AKAP9: variants seen among roughly 807,000 people sequenced by gnomAD.
AKAP9 encodes A-kinase anchor protein 9.
In AKAP9, 311 loss-of-function variants were observed where a neutral mutation model predicts 488.5. That is an observed-to-expected ratio of 0.64 (90% CI 0.58 to 0.70). The LOEUF is 0.70. AKAP9 is among the 30% of genes least tolerant of loss of function. The probability of loss-of-function intolerance (pLI) is 0.00; values close to 1 mark genes in which losing one functional copy is unlikely to be tolerated. For missense variants in AKAP9, 4,215 were observed against 4,374.5 expected (o/e 0.96, Z 1.03); for synonymous variants, 1,462 against 1,483.5 (o/e 0.99, Z 0.33).
intron 29 of AKAP9, 115 bp from the exon 30 acceptor site, chr7:92,077,581 T>C (rs903499515): frequency 5.6e-6 from 5 of 896,640 alleles, no homozygotes; most frequent in Non-Finnish European, 9.1e-6. Flanking sequence ...AGTAACCATA[T>C]GGTGTCTCTG....
chr7:92,085,867 G>A (rs1584490851), intron 36 of AKAP9, among the ~76,000 whole-genome samples, 181 bp downstream of exon 36: 1 of 152,016 alleles, frequency 6.6e-6, no homozygotes, highest in South Asian at 2.1e-4. Flanking sequence ...ACTTTGGGAG[G>A]CCGAGGTGGG....
chr7:91,986,898 A>G (rs1048249745), intron 3 of AKAP9, among the ~76,000 whole-genome samples: 1 of 151,560 alleles, frequency 6.6e-6, no homozygotes, highest in African/African-American at 2.4e-5. Context: ...ATATACATAT[A>G]TAGTTACATA....
chr7:92,085,796 T>C, intron 36 of AKAP9, 110 bp downstream of exon 36: 2 of 846,230 alleles, frequency 2.4e-6, no homozygotes, highest in Non-Finnish European at 3.4e-6. Flanking sequence ...AATAACTATA[T>C]ATATATATTT....
intron 47 of AKAP9, among the ~76,000 whole-genome samples, chr7:92,106,689 C>T (rs1239176692): frequency 2.6e-5 from 4 of 152,132 alleles, no homozygotes; most frequent in Non-Finnish European, 5.9e-5. Flanking sequence ...AAGATGAGGT[C>T]CGAATCTGGG....
chr7:92,091,068 T>G (rs1274693666), intron 38 of AKAP9, among the ~76,000 whole-genome samples: 1 of 152,228 alleles, frequency 6.6e-6, no homozygotes, highest in Non-Finnish European at 1.5e-5. Context: ...AGTTGGATTT[T>G]TATTTTTGTG....
intron 25 of AKAP9, 44 bp downstream of exon 25, chr7:92,065,507 T>C: frequency 7.2e-7 from 1 of 1,385,296 alleles, no homozygotes; most frequent in South Asian, 1.2e-5. Context: ...CAGTGGAATG[T>C]TCTTTGCTAG....
chr7:92,109,803 T>G (rs552438050), intron 49 of AKAP9, among the ~76,000 whole-genome samples: 38 of 151,942 alleles, frequency 2.5e-4, no homozygotes, highest in Non-Finnish European at 5.4e-4. Context: ...ATACAAAAAT[T>G]TGCTGGACAT....
At chr7:91,963,994 C>G (rs1562903886) in intron 1 of AKAP9, among the ~76,000 whole-genome samples, 1 of 151,952 alleles carries the variant, frequency 6.6e-6, no homozygotes, top group East Asian at 1.9e-4. Flanking sequence ...TTTGGTTTCT[C>G]TCCTCTCAGA....
chr7:91,994,836 AC>A, intron 6 of AKAP9, 60 bp downstream of exon 6: 1 of 1,489,574 alleles, frequency 6.7e-7, no homozygotes, highest in Non-Finnish European at 9.2e-7. Flanking sequence ...TTAAAAATTC[AC>A]TTTCAAGAAC....
intron 3 of AKAP9, among the ~76,000 whole-genome samples, chr7:91,981,603 CTTTT>C (rs532220900): frequency 9.4e-6 from 1 of 106,632 alleles, no homozygotes. Context: ...TCTTGTATTT[CTTTT>C]TTTTTTTTTT....
At chr7:91,982,309 T>C (rs1187823360) in intron 3 of AKAP9, among the ~76,000 whole-genome samples, 1 of 152,020 alleles carries the variant, frequency 6.6e-6, no homozygotes, top group Non-Finnish European at 1.5e-5. Context: ...GTCATTTACA[T>C]TAGGTATATC....
intron 37 of AKAP9, among the ~76,000 whole-genome samples, chr7:92,087,832 A>G (rs900881318): frequency 6.6e-6 from 1 of 151,634 alleles, no homozygotes; most frequent in African/African-American, 2.4e-5. Flanking sequence ...GTGACAAATT[A>G]TAAGCCAAAG....
At position 92,045,228 on chromosome 7, in the gene AKAP9, T is replaced by C; in HGVS notation, c.5368+15T>C. ...ACATACAAGAGGTACTAGTTTTCTG[T>C]GTTGTGGAAACAATCATTTCAACAA... On this transcript the variant is annotated intron_variant, in intron 21 of 49. Transcript: ENST00000356239. 1 of 1,610,220 alleles carries C rather than the reference T, an allele frequency of 6.2e-7. No individual in the cohort carries two copies. Among genetic ancestry groups the C allele is most frequent in the Non-Finnish European group, 8.5e-7 (1 of 1,176,660 alleles).
rs928235051 is a variant in AKAP9 at position 92,042,190 on chromosome 7, G to A, written c.5058+4G>A. 1.9e-6 allele frequency: 3 copies of A among 1,613,630 alleles called. No homozygotes were observed. Among genetic ancestry groups the A allele is most frequent in the African/African-American group, 1.3e-5 (1 of 74,908 alleles). On this transcript the variant is annotated splice_donor_region_variant and intron_variant, in intron 19 of 49. Coordinates refer to ENST00000356239, the MANE Select transcript of AKAP9 (RefSeq NM_005751.5). The stretch of plus-strand genomic sequence containing the variant: ...CAACAGCAGTACGCAAACACAGGTA[G>A]TATGGACTTTGCCCCACCTAGGAGC...
At chr7:92,003,911 C>T (rs1799482964) in intron 8 of AKAP9, among the ~76,000 whole-genome samples, 2 of 152,088 alleles carry the variant, frequency 1.3e-5, no homozygotes, top group South Asian at 4.1e-4. Flanking sequence ...ATGGTGCTAA[C>T]TAAAGTTTTA....
At chr7:92,069,559 A>T (rs1811346295) in intron 26 of AKAP9, among the ~76,000 whole-genome samples, 1 of 152,240 alleles carries the variant, frequency 6.6e-6, no homozygotes, top group Non-Finnish European at 1.5e-5. Flanking sequence ...TATGTTTTAT[A>T]TGCATTGAGT....
chr7:92,069,991 A>G (rs200667534), intron 26 of AKAP9, 39 bp from the exon 27 acceptor site: 7 of 1,588,498 alleles, frequency 4.4e-6, no homozygotes, highest in Non-Finnish European at 6.0e-6. Flanking sequence ...GCTTGCTGAA[A>G]TTTTTTTTAA....
intron 12 of AKAP9, among the ~76,000 whole-genome samples, chr7:92,021,361 A>G (rs1185164704): frequency 1.3e-5 from 2 of 152,188 alleles, no homozygotes; most frequent in South Asian, 4.1e-4. Context: ...GGTCACATTG[A>G]TTATTAAGTA....
rs1406984776 is a variant in AKAP9, at chr7:92,081,467, G to C, written c.8020-1055G>C. Among the ~76,000 whole-genome samples, 8 of 131,228 alleles carry C rather than the reference G, an allele frequency of 6.1e-5. No individual in the cohort carries two copies. The East Asian group carries it at 1.8e-3, about 29-fold the overall frequency. The allele number at this position is 131,228 out of a possible 152,430, so 86.1% of individuals were successfully genotyped here. ...TTACAGACACGCACCACCACACCCG[G>C]CTAATTTATATATATATATATATAT... On this transcript the variant is annotated intron_variant, in intron 31 of 49. Transcript: ENST00000356239.
Sources: allele counts gnomAD v4.1 joint callset (sites outside exome capture counted in the v4.1 genomes callset), GRCh38; gene constraint gnomAD v4.1.1; transcripts MANE v1.5; gene names NCBI Gene and HGNC (gene_info 2026-07-23, HGNC 2026-07-21).